LRRTM4: variants seen among roughly 807,000 people sequenced by gnomAD.
LRRTM4 encodes leucine-rich repeat transmembrane neuronal protein 4.
Under a neutral mutation model 47.6 loss-of-function variants are expected in LRRTM4, and 25 were observed. The ratio of observed to expected loss-of-function variants is 0.53; its 90% CI spans 0.38 to 0.73. The LOEUF is 0.73. Ranked by LOEUF, LRRTM4 falls within the 30% of genes least tolerant of loss-of-function variation. The pLI, the probability that LRRTM4 is intolerant of heterozygous loss-of-function variation, is 0.00. For synonymous variants in LRRTM4, 311 were observed against 269.5 expected (o/e 1.15, Z -1.51); for missense variants, 638 against 713.4 (o/e 0.89, Z 1.20).
chr2:77,046,763 T>C (rs998517293), intron 3 of LRRTM4, among the ~76,000 whole-genome samples: 1 of 151,948 alleles, frequency 6.6e-6, no homozygotes, highest in African/African-American at 2.4e-5. Flanking sequence ...TGCATGTATA[T>C]CTATGCCCAT....
intron 3 of LRRTM4, among the ~76,000 whole-genome samples, chr2:77,300,661 C>T (rs966560288): frequency 1.3e-5 from 2 of 152,126 alleles, no homozygotes; most frequent in African/African-American, 4.8e-5. Context: ...AGCATATCTT[C>T]ATGTATTGAT....
At chr2:76,862,345 T>C (rs1162317170) in intron 3 of LRRTM4, among the ~76,000 whole-genome samples, 1 of 152,122 alleles carries the variant, frequency 6.6e-6, no homozygotes, top group Non-Finnish European at 1.5e-5. Flanking sequence ...CATCAGAAAA[T>C]GCTATCTTCA....
At chr2:77,177,002 G>A (rs1361301201) in intron 3 of LRRTM4, among the ~76,000 whole-genome samples, 1 of 152,092 alleles carries the variant, frequency 6.6e-6, no homozygotes, top group Non-Finnish European at 1.5e-5. Context: ...GTCTGAAAAA[G>A]GGAACAACCC....
intron 3 of LRRTM4, among the ~76,000 whole-genome samples, chr2:76,919,827 T>C (rs570919255): frequency 6.6e-6 from 1 of 152,320 alleles, no homozygotes; most frequent in South Asian, 2.1e-4. Context: ...TCTGACAGAA[T>C]TAAGTCTTAC....
chr2:77,069,815 A>G lies in LRRTM4; in HGVS notation c.1552-320899T>C, dbSNP rs543286714. Among the ~76,000 whole-genome samples the G allele has an allele frequency of 1.8e-4, 27 of 152,328 alleles. No homozygotes were observed. The South Asian group carries it at 5.6e-3, about 32-fold the overall frequency. On this transcript the variant is annotated intron_variant, in intron 3 of 3. Coordinates refer to ENST00000409884, the MANE Select transcript of LRRTM4 (RefSeq NM_001134745.3). ...GTAGTTTTACAAAGATCTTATGGACATCACATTCTTTAGCTTTATCATTTT... is the reference window on the plus strand; with the variant it reads ...GTAGTTTTACAAAGATCTTATGGACGTCACATTCTTTAGCTTTATCATTTT...
chr2:77,427,803 C>G (rs1337199242), intron 3 of LRRTM4, among the ~76,000 whole-genome samples: 4 of 152,136 alleles, frequency 2.6e-5, no homozygotes, highest in Non-Finnish European at 5.9e-5. Context: ...ATATATAAAT[C>G]AATGTTACTA....
chr2:76,906,642 A>T (rs1191850231), intron 3 of LRRTM4, among the ~76,000 whole-genome samples: 2 of 152,116 alleles, frequency 1.3e-5, no homozygotes, highest in Admixed American at 1.3e-4. Flanking sequence ...AAATAAAAGG[A>T]TGGAGGAAGA....
At chr2:76,749,761 T>G in intron 3 of LRRTM4, among the ~76,000 whole-genome samples, 1 of 152,176 alleles carries the variant, frequency 6.6e-6, no homozygotes, top group East Asian at 1.9e-4. Context: ...AAATTTCTGA[T>G]AAAGATAAAT....
At chr2:77,505,622 G>T (rs1395841564) in intron 3 of LRRTM4, among the ~76,000 whole-genome samples, 1 of 151,428 alleles carries the variant, frequency 6.6e-6, no homozygotes, top group Non-Finnish European at 1.5e-5. Context: ...TTAAAAAAGA[G>T]AAGATAAACA....
chr2:77,453,487 G>C (rs924158699), intron 3 of LRRTM4, among the ~76,000 whole-genome samples: 9 of 152,020 alleles, frequency 5.9e-5, no homozygotes, highest in African/African-American at 2.2e-4. Flanking sequence ...GACTCTTCTT[G>C]AATTTTTATT....
At chr2:76,999,305 G>A (rs1176822092) in intron 3 of LRRTM4, among the ~76,000 whole-genome samples, 1 of 152,018 alleles carries the variant, frequency 6.6e-6, no homozygotes, top group Non-Finnish European at 1.5e-5. Flanking sequence ...AACAGTTTCA[G>A]AAAATATCTT....
intron 3 of LRRTM4, among the ~76,000 whole-genome samples, chr2:77,026,742 A>G (rs954903307): frequency 6.6e-6 from 1 of 152,082 alleles, no homozygotes. Context: ...ATATTCACAT[A>G]CAAATTGTTT....
At chr2:77,157,220 T>A (rs1346123424) in intron 3 of LRRTM4, among the ~76,000 whole-genome samples, 2 of 152,086 alleles carry the variant, frequency 1.3e-5, no homozygotes, top group Non-Finnish European at 2.9e-5. Context: ...CACTGCTGCA[T>A]AACAAGATGT....
intron 3 of LRRTM4, among the ~76,000 whole-genome samples, chr2:76,999,064 T>C (rs944950115): frequency 2.0e-5 from 3 of 152,092 alleles, no homozygotes; most frequent in African/African-American, 7.2e-5. Context: ...AGATGGTTGT[T>C]GATATTATTG....
At position 77,075,947 on chromosome 2, in the gene LRRTM4, G is replaced by C. The variant is rs181983848; in HGVS notation, c.1552-327031C>G. On this transcript the variant is annotated intron_variant, in intron 3 of 3. Transcript: ENST00000409884. ...AAAAAAAAAAAAAAAAAAAAAATGG[G>C]ATGAAGAATTAAGCTGGTTTCTGAT... Among the ~76,000 whole-genome samples the C allele has an allele frequency of 2.6e-3, 346 of 131,972 alleles. 8 individuals carry two copies. The highest frequency in any genetic ancestry group is 9.6e-3 in the African/African-American group (301 of 31,270). 86.6% of individuals were successfully genotyped at this position (131,972 alleles called of 152,430 possible).
rs534664563 is a variant in LRRTM4, at chr2:76,975,911, T to G, written c.1552-226995A>C. 6.6e-5 allele frequency among the ~76,000 whole-genome samples: 10 copies of G among 151,922 alleles called. No homozygotes were observed. In the South Asian group the frequency reaches 1.9e-3, roughly 28 times the overall value. ...ACATTTGAGAAGAGGTACTTCCTGT[T>G]TCTGTGTTTTTCCTAATGAAATAAA... On this transcript the variant is annotated intron_variant, in intron 3 of 3. Coordinates refer to ENST00000409884, the MANE Select transcript of LRRTM4 (RefSeq NM_001134745.3).
At chr2:77,381,441 G>A (rs1002350375) in intron 3 of LRRTM4, among the ~76,000 whole-genome samples, 4 of 151,932 alleles carry the variant, frequency 2.6e-5, no homozygotes, top group African/African-American at 7.3e-5. Flanking sequence ...TAACAGCAAG[G>A]GAGCAAATTG....
chr2:77,083,581 TTAGA>T (rs1680600698), intron 3 of LRRTM4, among the ~76,000 whole-genome samples: 1 of 152,006 alleles, frequency 6.6e-6, no homozygotes, highest in Non-Finnish European at 1.5e-5. Flanking sequence ...TGTCTGAATA[TTAGA>T]TAGTCAAGTA....
At chr2:77,087,009 C>A (rs892078486) in intron 3 of LRRTM4, among the ~76,000 whole-genome samples, 3 of 152,006 alleles carry the variant, frequency 2.0e-5, no homozygotes, top group African/African-American at 2.4e-5. Context: ...GAGCTCCCAG[C>A]GTAATATTGC....
Sources: gnomAD v4.1 joint callset for allele counts (sites outside exome capture counted in the v4.1 genomes callset) on GRCh38, gnomAD v4.1.1 for gene constraint, MANE v1.5 for transcripts, NCBI Gene and HGNC (gene_info 2026-07-23, HGNC 2026-07-21) for gene names.